The following VPS4B variants were observed in gnomAD, a reference collection of about 807,000 sequenced individuals.
VPS4B encodes the protein vacuolar protein sorting 4 homolog B, also known as vacuolar protein sorting-associated protein 4B.
Under a neutral mutation model 56.1 loss-of-function variants are expected in VPS4B, and 23 were observed. That is an observed-to-expected ratio of 0.41 (90% CI 0.30 to 0.58). The LOEUF is 0.58. VPS4B is among the 20% of genes least tolerant of loss of function. The pLI is 0.29. For missense variants in VPS4B, 372 were observed against 531.9 expected (o/e 0.70, Z 2.96); for synonymous variants, 177 against 186.0 (o/e 0.95, Z 0.39).
Position 63,399,304 on chromosome 18 carries a change from A to G in VPS4B, c.810T>C (p.Asp270=). 4 of 1,614,110 alleles carry G rather than the reference A, an allele frequency of 2.5e-6. No homozygotes were observed. Among genetic ancestry groups the G allele is most frequent in the Non-Finnish European group, 2.5e-6 (3 of 1,179,962 alleles). The part of the protein sequence containing the change: ...VQMQGVGVDN[D]GILVLGATNI... ...TTGTAGCTCCCAGAACCAAAATTCC[A>G]TCATTGTCTACACCAACCCCTGCAT... is the stretch of plus-strand genomic sequence containing the variant. Residue 270 remains aspartate, a synonymous_variant, in exon 8 of 11, where the codon GAT becomes GAC. Coordinates refer to ENST00000238497, the MANE Select transcript of VPS4B (RefSeq NM_004869.4).
chr18:63,413,405 G>A (rs113905304), intron 1 of VPS4B, among the ~76,000 whole-genome samples: 2,946 of 152,130 alleles, frequency 0.019, 89 homozygotes, highest in African/African-American at 0.067. Context: ...CAGGCGTAGC[G>A]GCATGCGCCT....
chr18:63,398,223 AT>A (rs869086603), intron 8 of VPS4B, among the ~76,000 whole-genome samples: 2 of 45,684 alleles, frequency 4.4e-5, no homozygotes, highest in African/African-American at 1.4e-4. Flanking sequence ...ATATATATAT[AT>A]TTTTTTTTGA....
chr18:63,412,326 C>T (rs532436715), intron 1 of VPS4B, among the ~76,000 whole-genome samples: 1 of 152,226 alleles, frequency 6.6e-6, no homozygotes, highest in African/African-American at 2.4e-5. Flanking sequence ...CAGAAAAAAG[C>T]AGCACAGGAA....
rs1478995992 is a variant in VPS4B, at chr18:63,422,388, G to C, written c.-129C>G. 2.1e-5 allele frequency: 18 copies of C among 847,230 alleles called. No homozygotes were observed. The highest frequency in any genetic ancestry group is 3.0e-5 in the Non-Finnish European group (18 of 600,082). The allele number at this position is 847,230 out of a possible 1,614,324, so 52.5% of individuals were successfully genotyped here. A position where few individuals can be genotyped will look rare whatever the true frequency, so the allele number is the denominator to read the frequency against. The stretch of plus-strand genomic sequence containing the variant: ...GGTGGTTCTCGGACCGCGAAGGGCA[G>C]CCTCCCTTCCGGAACTTGTTTTAGA... On this transcript the variant is annotated 5_prime_UTR_variant, in exon 1 of 11. Coordinates refer to ENST00000238497, the MANE Select transcript of VPS4B (RefSeq NM_004869.4).
At chr18:63,398,178 C>CATATACAT (rs1915714298) in intron 8 of VPS4B, among the ~76,000 whole-genome samples, 1 of 144,796 alleles carries the variant, frequency 6.9e-6, no homozygotes, top group Non-Finnish European at 1.5e-5. Context: ...TACATATACA[C>CATATACAT]ATATACATAT....
At chr18:63,403,557 A>C (rs1915856624) in intron 5 of VPS4B, 150 bp downstream of exon 5, 2 of 897,314 alleles carry the variant, frequency 2.2e-6, no homozygotes, top group African/African-American at 1.7e-5. Flanking sequence ...ATAAGAAATA[A>C]AACATCTTGT....
chr18:63,410,436 C>A lies in VPS4B; in HGVS notation c.150G>T (p.Gln50His). Reference protein sequence around the residue: ...YFLHVVKYEAQGDKAKQSIRA... With the variant: ...YFLHVVKYEAHGDKAKQSIRA... ...TGATACTTTGCTTGGCTTTATCACC[C>A]TGTGCTTCATCTATTAAAGGGAAAT... Residue 50 changes from glutamine to histidine, a missense_variant, in exon 3 of 11, where the codon CAG (glutamine) becomes CAT (histidine). Gln to His is a conservative substitution (Grantham distance 24). Around this residue, in one of 3 missense-constraint regions of VPS4B, gnomAD observed 153 missense variants for 190.3 expected, o/e 0.80. Transcript: ENST00000238497. The A allele has an allele frequency of 6.2e-7, 1 of 1,612,840 alleles. No individual in the cohort carries two copies. The highest frequency in any genetic ancestry group is 8.5e-7 in the Non-Finnish European group (1 of 1,179,982).
intron 5 of VPS4B, 101 bp downstream of exon 5, chr18:63,403,606 T>C (rs1915857481): frequency 3.2e-6 from 4 of 1,246,016 alleles, no homozygotes; most frequent in Non-Finnish European, 4.3e-6. Flanking sequence ...TCACAATTTA[T>C]TTAAGATAAT....
chr18:63,410,998 A>C (rs1916028754), intron 2 of VPS4B, among the ~76,000 whole-genome samples: 1 of 152,244 alleles, frequency 6.6e-6, no homozygotes, highest in African/African-American at 2.4e-5. Flanking sequence ...TGAGCCCCAC[A>C]TAGCTTACAG....
intron 8 of VPS4B, among the ~76,000 whole-genome samples, chr18:63,398,184 CAT>C (rs1272695479): frequency 8.0e-5 from 11 of 137,214 alleles, no homozygotes; most frequent in African/African-American, 1.5e-4. Context: ...TACACATATA[CAT>C]ATATACACAC....
chr18:63,405,580 G>C (rs71353391), intron 4 of VPS4B, among the ~76,000 whole-genome samples: 2 of 151,502 alleles, frequency 1.3e-5, no homozygotes, highest in Non-Finnish European at 2.9e-5. Context: ...TAAGTATTTG[G>C]TTTTTTTTCT....
intron 8 of VPS4B, among the ~76,000 whole-genome samples, 199 bp downstream of exon 8, chr18:63,399,043 T>A (rs1915751350): frequency 6.6e-6 from 1 of 152,182 alleles, no homozygotes; most frequent in African/African-American, 2.4e-5. Context: ...TGTGGAAATC[T>A]TGTATATTTG....
At chr18:63,417,163 TAAC>T (rs1916186339) in intron 1 of VPS4B, among the ~76,000 whole-genome samples, 1 of 152,226 alleles carries the variant, frequency 6.6e-6, no homozygotes, top group African/African-American at 2.4e-5. Flanking sequence ...CTGTCATTCT[TAAC>T]AATTTCTCTC....
At chr18:63,395,086 G>T (rs1324893709) in intron 9 of VPS4B, among the ~76,000 whole-genome samples, 3 of 152,168 alleles carry the variant, frequency 2.0e-5, no homozygotes, top group African/African-American at 7.2e-5. Flanking sequence ...GAGGTCTGCT[G>T]CAGCTGGTGA....
At chr18:63,393,317 A>G (rs1915596832) in intron 10 of VPS4B, 92 bp downstream of exon 10, 2 of 1,253,214 alleles carry the variant, frequency 1.6e-6, no homozygotes, top group East Asian at 5.7e-5. Context: ...ACACCTGTTT[A>G]TACTAAGATT....
At chr18:63,421,469 C>T (rs1330262857) in intron 1 of VPS4B, among the ~76,000 whole-genome samples, 3 of 152,194 alleles carry the variant, frequency 2.0e-5, no homozygotes, top group Middle Eastern at 3.2e-3. Context: ...GAGTCCTCTA[C>T]ATTAAGCCAC....
chr18:63,392,891 G>A (rs1003952752), intron 10 of VPS4B, among the ~76,000 whole-genome samples: 2 of 151,948 alleles, frequency 1.3e-5, no homozygotes, highest in African/African-American at 4.8e-5. Context: ...GATTGCAGGT[G>A]TGCACCACAC....
intron 1 of VPS4B, among the ~76,000 whole-genome samples, chr18:63,419,243 C>T (rs566918385): frequency 1.3e-5 from 2 of 152,118 alleles, no homozygotes; most frequent in Non-Finnish European, 2.9e-5. Context: ...GCCAACACAG[C>T]GAATCCCCGT....
chr18:63,391,685 T>C (rs1447370056), intron 10 of VPS4B, among the ~76,000 whole-genome samples: 1 of 152,258 alleles, frequency 6.6e-6, no homozygotes, highest in Non-Finnish European at 1.5e-5. Context: ...AGTATGTTCA[T>C]GATCTAATTT....
Sources: gnomAD v4.1 joint callset for allele counts (sites outside exome capture counted in the v4.1 genomes callset) on GRCh38, gnomAD v4.1.1 for gene constraint, gnomAD v4.1.1 regional missense constraint, MANE v1.5 for transcripts, NCBI Gene and HGNC (gene_info 2026-07-23, HGNC 2026-07-21) for gene names.